The following CNTNAP5 variants were observed in gnomAD, a reference collection of about 807,000 sequenced individuals.
The protein encoded by CNTNAP5 is contactin-associated protein-like 5.
In CNTNAP5, 72 loss-of-function variants were observed where a neutral mutation model predicts 150.2. The observed-to-expected ratio is 0.48, with a 90% CI of 0.40 to 0.58. The LOEUF (loss-of-function observed/expected upper bound fraction) is 0.58, where lower values mean the gene tolerates loss of function less well. Among genes scored for constraint, CNTNAP5 ranks in the 20% least tolerant of loss-of-function variants. The pLI is 0.00. For missense variants in CNTNAP5, 1,636 were observed against 1,626.2 expected, an observed-to-expected ratio of 1.01 and a Z score of -0.10; for synonymous variants, 672 against 619.8, an observed-to-expected ratio of 1.08 and a Z score of -1.25.
intron 13 of CNTNAP5, among the ~76,000 whole-genome samples, chr2:124,679,985 G>A (rs748458297): frequency 1.3e-4 from 19 of 151,890 alleles, no homozygotes; most frequent in African/African-American, 4.3e-4. Context: ...CAACTCTGCA[G>A]CAGTCTCTGT....
At chr2:124,243,595 A>G (rs1449350356) in intron 3 of CNTNAP5, among the ~76,000 whole-genome samples, 1 of 152,160 alleles carries the variant, frequency 6.6e-6, no homozygotes, top group African/African-American at 2.4e-5. Flanking sequence ...ATTTTCAAAA[A>G]TAGTCTAAAC....
chr2:124,172,789 G>C (rs1421707309), intron 1 of CNTNAP5, among the ~76,000 whole-genome samples: 65 of 151,370 alleles, frequency 4.3e-4, no homozygotes, highest in African/African-American at 1.1e-3. Flanking sequence ...CTGTGTGTGT[G>C]TGTGTGTGTG....
intron 1 of CNTNAP5, among the ~76,000 whole-genome samples, chr2:124,203,389 A>G (rs550690679): frequency 6.6e-5 from 10 of 152,196 alleles, no homozygotes; most frequent in African/African-American, 1.9e-4. Context: ...TTCTGGGCTC[A>G]TGGTGCAAGC....
At chr2:124,841,710 C>T (rs899184121) in intron 19 of CNTNAP5, among the ~76,000 whole-genome samples, 6 of 152,186 alleles carry the variant, frequency 3.9e-5, no homozygotes, top group African/African-American at 9.6e-5. Context: ...GTGTCCACAC[C>T]GTTGTCCCTG....
intron 21 of CNTNAP5, among the ~76,000 whole-genome samples, chr2:124,889,290 G>A (rs139192666): frequency 2.6e-5 from 4 of 151,678 alleles, no homozygotes; most frequent in Admixed American, 6.6e-5. Flanking sequence ...AGTAGAGACG[G>A]GGTTTCACCA....
intron 3 of CNTNAP5, among the ~76,000 whole-genome samples, chr2:124,263,908 C>A (rs924354974): frequency 6.6e-6 from 1 of 152,096 alleles, no homozygotes; most frequent in Non-Finnish European, 1.5e-5. Context: ...ATAGGGAATC[C>A]TTTCCCCATT....
chr2:124,503,121 G>A (rs1326145693), intron 7 of CNTNAP5, among the ~76,000 whole-genome samples: 2 of 152,172 alleles, frequency 1.3e-5, no homozygotes, highest in Non-Finnish European at 2.9e-5. Context: ...TGAGGATCTA[G>A]CCTGAAGGGA....
intron 1 of CNTNAP5, among the ~76,000 whole-genome samples, chr2:124,215,711 G>GCAAAAAAA (rs1686139051): frequency 2.8e-5 from 1 of 35,312 alleles, no homozygotes; most frequent in Non-Finnish European, 6.2e-5. Flanking sequence ...TAGAAGAAAG[G>GCAAAAAAA]CAAAAAAAAA....
At position 124,848,634 on chromosome 2, in the gene CNTNAP5, G is replaced by A. The variant is rs111498292; in HGVS notation, c.3218-16672G>A. On this transcript the variant is annotated intron_variant, in intron 19 of 23. Coordinates refer to ENST00000682447, the MANE Select transcript of CNTNAP5 (RefSeq NM_001367498.1). ...TCCCACCAACAGTGTACAAGGGTTC[G>A]CTTTTCTCCACACCCTTGCCAACAC... 1.4e-4 allele frequency among the ~76,000 whole-genome samples: 21 copies of A among 152,176 alleles called. No homozygotes were observed. In the East Asian group the frequency reaches 2.9e-3, roughly 21 times the overall value.
At position 124,533,305 on chromosome 2, in the gene CNTNAP5, T is replaced by C. The variant is rs531929882; in HGVS notation, c.1649+5849T>C. Among the ~76,000 whole-genome samples the C allele has an allele frequency of 2.6e-5, 4 of 152,266 alleles. No individual in the cohort carries two copies. In the South Asian group the frequency reaches 8.3e-4, roughly 32 times the overall value. On this transcript the variant is annotated intron_variant, in intron 10 of 23. Transcript: ENST00000682447. ...AGAGTGAGGGTCTCTTTAAATCTTA[T>C]AGGCAAATTGGAGCATTTTAACATC...
intron 17 of CNTNAP5, among the ~76,000 whole-genome samples, chr2:124,773,638 C>T (rs2104612323): frequency 6.6e-6 from 1 of 152,228 alleles, no homozygotes; most frequent in Non-Finnish European, 1.5e-5. Context: ...TTTAGTCATT[C>T]CTCACTACTT....
At chr2:124,075,698 C>T (rs988044068) in intron 1 of CNTNAP5, among the ~76,000 whole-genome samples, 1 of 152,132 alleles carries the variant, frequency 6.6e-6, no homozygotes, top group African/African-American at 2.4e-5. Flanking sequence ...AGCAACACAA[C>T]TACACATTTT....
At chr2:124,666,347 A>G (rs1483019995) in intron 13 of CNTNAP5, among the ~76,000 whole-genome samples, 4 of 152,214 alleles carry the variant, frequency 2.6e-5, no homozygotes, top group African/African-American at 7.2e-5. Flanking sequence ...ATTTAAGATA[A>G]GGAGGTCTGT....
intron 3 of CNTNAP5, among the ~76,000 whole-genome samples, chr2:124,298,109 C>T (rs1300294072): frequency 6.6e-6 from 1 of 152,068 alleles, no homozygotes; most frequent in East Asian, 1.9e-4. Flanking sequence ...TCCCACATAT[C>T]CAATTATTTA....
intron 11 of CNTNAP5, among the ~76,000 whole-genome samples, chr2:124,607,864 C>T (rs2104981883): frequency 6.6e-6 from 1 of 152,220 alleles, no homozygotes; most frequent in East Asian, 1.9e-4. Context: ...CACCCAAGGG[C>T]ATTATCAGGT....
intron 9 of CNTNAP5, among the ~76,000 whole-genome samples, chr2:124,525,813 T>C (rs1417706163): frequency 6.6e-6 from 1 of 152,178 alleles, no homozygotes; most frequent in Non-Finnish European, 1.5e-5. Flanking sequence ...CAGTAGGTAA[T>C]ATCCCCACTT....
intron 14 of CNTNAP5, among the ~76,000 whole-genome samples, chr2:124,760,093 T>A (rs1181875129): frequency 6.6e-6 from 1 of 151,976 alleles, no homozygotes; most frequent in African/African-American, 2.4e-5. Context: ...GGCATCTTAC[T>A]GGCCATTCCT....
chr2:124,364,210 G>T (rs1690303141), intron 3 of CNTNAP5, among the ~76,000 whole-genome samples: 1 of 152,080 alleles, frequency 6.6e-6, no homozygotes, highest in Non-Finnish European at 1.5e-5. Flanking sequence ...TGGCTGACTT[G>T]TTTTTTCTCT....
chr2:124,855,828 C>G (rs1018366477), intron 19 of CNTNAP5, among the ~76,000 whole-genome samples: 1 of 152,124 alleles, frequency 6.6e-6, no homozygotes, highest in Admixed American at 6.5e-5. Flanking sequence ...GCAGTGTACA[C>G]TGAACCCAAT....
Sources: gnomAD v4.1 joint callset for allele counts (sites outside exome capture counted in the v4.1 genomes callset) on GRCh38, gnomAD v4.1.1 for gene constraint, MANE v1.5 for transcripts, NCBI Gene and HGNC (gene_info 2026-07-23, HGNC 2026-07-21) for gene names.